The following SLC16A7 variants were observed in gnomAD, a reference collection of about 807,000 sequenced individuals.
The protein encoded by SLC16A7 is solute carrier family 16 member 7.
Under a neutral mutation model 34.9 loss-of-function variants are expected in SLC16A7, and 33 were observed. That is an observed-to-expected ratio of 0.94 (90% confidence interval 0.72 to 1.26). SLC16A7 has a LOEUF of 1.26. Ranked by LOEUF, SLC16A7 falls within the 50% of genes most tolerant of loss-of-function variation. SLC16A7 has a pLI of 0.00. For missense variants in SLC16A7, 573 were observed against 578.1 expected (o/e 0.99, Z 0.09); for synonymous variants, 201 against 206.6 (o/e 0.97, Z 0.23).
chr12:59,687,877 A>G (rs944743172), intron 2 of SLC16A7, among the ~76,000 whole-genome samples: 4 of 152,126 alleles, frequency 2.6e-5, no homozygotes, highest in Admixed American at 2.6e-4. Flanking sequence ...AGGCAGTCAC[A>G]TGTCCAAACC....
chr12:59,764,956 G>A (rs1439765215), intron 3 of SLC16A7, among the ~76,000 whole-genome samples: 10 of 152,034 alleles, frequency 6.6e-5, no homozygotes, highest in Admixed American at 5.3e-4. Flanking sequence ...CCAACAGTGT[G>A]AAAGTGTTTC....
At chr12:59,638,682 C>T (rs1173675840) in intron 1 of SLC16A7, among the ~76,000 whole-genome samples, 2 of 152,060 alleles carry the variant, frequency 1.3e-5, no homozygotes, top group Non-Finnish European at 2.9e-5. Flanking sequence ...AGACTAGAAT[C>T]TCTGTTAGCT....
At chr12:59,649,012 A>G (rs763621122) in intron 1 of SLC16A7, among the ~76,000 whole-genome samples, 1 of 152,204 alleles carries the variant, frequency 6.6e-6, no homozygotes, top group Non-Finnish European at 1.5e-5. Flanking sequence ...TAGTGAAGTG[A>G]ATGTAAGTGA....
intron 1 of SLC16A7, among the ~76,000 whole-genome samples, chr12:59,612,515 A>G (rs1414755148): frequency 6.6e-6 from 1 of 151,942 alleles, no homozygotes; most frequent in Non-Finnish European, 1.5e-5. Flanking sequence ...CATTTTCCCC[A>G]TTGTCTTGGT....
In SLC16A7 at chr12:59,786,838, A is replaced by G. The variant is rs1190366803; in HGVS notation, c.*7159A>G. 1.3e-5 allele frequency: 2 copies of G among 152,176 alleles called. No homozygotes were observed. The highest frequency in any genetic ancestry group is 2.9e-5 in the Non-Finnish European group (2 of 68,010). The allele number at this position is 152,176 out of a possible 1,614,324, so 9.4% of individuals were successfully genotyped here. The stretch of plus-strand genomic sequence containing the variant: ...CTACAGAAGCCGTAAGGTCATAATG[A>G]TGATCTTTGTAGAGTAAATAAAATA... On this transcript the variant is annotated 3_prime_UTR_variant, in exon 6 of 6. Coordinates refer to ENST00000547379, the MANE Select transcript of SLC16A7 (RefSeq NM_001270623.2).
intron 3 of SLC16A7, among the ~76,000 whole-genome samples, chr12:59,770,980 A>G (rs1882166812): frequency 6.6e-6 from 1 of 151,460 alleles, no homozygotes; most frequent in Non-Finnish European, 1.5e-5. Context: ...ACAACGAAAT[A>G]TATGTTCAAC....
At chr12:59,607,198 T>TA (rs1878986730) in intron 1 of SLC16A7, among the ~76,000 whole-genome samples, 1 of 152,194 alleles carries the variant, frequency 6.6e-6, no homozygotes, top group African/African-American at 2.4e-5. Flanking sequence ...TTTCAGAAGA[T>TA]ACTTTGCTTT....
intron 2 of SLC16A7, among the ~76,000 whole-genome samples, chr12:59,701,526 G>A (rs1400320649): frequency 6.6e-6 from 1 of 151,530 alleles, no homozygotes; most frequent in East Asian, 1.9e-4. Context: ...AAACCAAGTA[G>A]AATGCTTTTA....
rs754006177 is a variant in SLC16A7 at position 59,775,501 on chromosome 12, A to C, written c.1180+26A>C. On this transcript the variant is annotated intron_variant, in intron 5 of 5. Coordinates refer to ENST00000547379, the MANE Select transcript of SLC16A7 (RefSeq NM_001270623.2). ...GTAAGAACGTTTTTCATCAAGGAAA[A>C]TGTAAAGCATAAAATTAATATCCAT... 2.6e-6 allele frequency: 4 copies of C among 1,542,366 alleles called. No homozygotes were observed. The Admixed American group carries it at 6.8e-5, about 26-fold the overall frequency.
intron 2 of SLC16A7, among the ~76,000 whole-genome samples, chr12:59,678,589 T>C (rs1306662202): frequency 6.6e-6 from 1 of 152,008 alleles, no homozygotes; most frequent in Non-Finnish European, 1.5e-5. Context: ...TCTAGCTGAG[T>C]CCAGGGTTTT....
intron 1 of SLC16A7, among the ~76,000 whole-genome samples, chr12:59,653,731 A>C (rs1284874500): frequency 6.6e-6 from 1 of 151,690 alleles, no homozygotes; most frequent in Non-Finnish European, 1.5e-5. Flanking sequence ...TACAAAGTAA[A>C]CAATTGATTA....
intron 1 of SLC16A7, among the ~76,000 whole-genome samples, chr12:59,647,123 G>T (rs114041780): frequency 6.6e-6 from 1 of 152,114 alleles, no homozygotes; most frequent in African/African-American, 2.4e-5. Context: ...TTGGAGAATC[G>T]TTGGGAAGGG....
intron 2 of SLC16A7, among the ~76,000 whole-genome samples, chr12:59,684,810 G>T (rs543583207): frequency 6.6e-6 from 1 of 152,082 alleles, no homozygotes; most frequent in Non-Finnish European, 1.5e-5. Context: ...TTGATGCCTG[G>T]CATTATTGAT....
chr12:59,784,371 C>CTAT lies in SLC16A7; in HGVS notation c.*4695_*4697dup, dbSNP rs1171011611. The CTAT allele has an allele frequency of 2.7e-5, 4 of 150,448 alleles. No homozygotes were observed. Among genetic ancestry groups the CTAT allele is most frequent in the Non-Finnish European group, 5.9e-5 (4 of 67,794 alleles). The allele number at this position is 150,448 out of a possible 1,614,324, so 9.3% of individuals were successfully genotyped here. A position where few individuals can be genotyped will look rare whatever the true frequency, so the allele number is the denominator to read the frequency against. ...TAGGCAATAGAGTGAGAATCTGTCT[C>CTAT]TATTAAAAAAAAAATAAAATGTTCT... On this transcript the variant is annotated 3_prime_UTR_variant, in exon 6 of 6. Coordinates refer to ENST00000547379, the MANE Select transcript of SLC16A7 (RefSeq NM_001270623.2).
intron 2 of SLC16A7, among the ~76,000 whole-genome samples, chr12:59,698,101 TC>T (rs1332480780): frequency 6.6e-6 from 1 of 151,666 alleles, no homozygotes; most frequent in African/African-American, 2.4e-5. Flanking sequence ...GGAGCAAAAA[TC>T]TATGTTTTCC....
chr12:59,612,204 C>T (rs1340705104), intron 1 of SLC16A7, among the ~76,000 whole-genome samples: 1 of 152,244 alleles, frequency 6.6e-6, no homozygotes, highest in African/African-American at 2.4e-5. Flanking sequence ...TTCCATACAT[C>T]CTTTGAAATC....
intron 1 of SLC16A7, among the ~76,000 whole-genome samples, chr12:59,624,685 TC>T (rs903071326): frequency 3.3e-5 from 5 of 151,586 alleles, no homozygotes; most frequent in Non-Finnish European, 7.4e-5. Context: ...TATTTTTTGT[TC>T]CCCACTATTA....
chr12:59,714,233 T>C (rs1247487073), intron 3 of SLC16A7, among the ~76,000 whole-genome samples: 1 of 152,162 alleles, frequency 6.6e-6, no homozygotes, highest in Non-Finnish European at 1.5e-5. Context: ...AAGTTGTGTT[T>C]GACAGTCTAA....
chr12:59,615,941 G>C (rs1308184349), intron 1 of SLC16A7, among the ~76,000 whole-genome samples: 3 of 152,124 alleles, frequency 2.0e-5, no homozygotes, highest in African/African-American at 7.2e-5. Flanking sequence ...TTGGATCTTG[G>C]CATCAACTCT....
Sources: allele counts gnomAD v4.1 joint callset (sites outside exome capture counted in the v4.1 genomes callset), GRCh38; gene constraint gnomAD v4.1.1; transcripts MANE v1.5; gene names NCBI Gene and HGNC (gene_info 2026-07-23, HGNC 2026-07-21).